POU2F2: variants seen among roughly 807,000 people sequenced by gnomAD.
POU2F2 encodes POU class 2 homeobox 2, also known as POU domain, class 2, transcription factor 2.
Under a neutral mutation model 63.5 loss-of-function variants are expected in POU2F2, and 14 were observed. That is an observed-to-expected ratio of 0.22 (90% CI 0.15 to 0.34). The LOEUF (loss-of-function observed/expected upper bound fraction) is 0.34, where lower values mean the gene tolerates loss of function less well. POU2F2 is among the 10% of genes least tolerant of loss of function. The pLI is 1.00. For synonymous variants in POU2F2, 306 were observed against 348.6 expected, an observed-to-expected ratio of 0.88 and a Z score of 1.36; for missense variants, 607 against 815.2, an observed-to-expected ratio of 0.74 and a Z score of 3.11.
intron 1 of POU2F2, among the ~76,000 whole-genome samples, chr19:42,190,044 T>C (rs910951227): frequency 1.3e-5 from 2 of 152,162 alleles, no homozygotes; most frequent in Non-Finnish European, 2.9e-5. Context: ...TTCTTTTAGT[T>C]AGTTTCTAAG....
chr19:42,109,942 G>T (rs2030800379), intron 5 of POU2F2, among the ~76,000 whole-genome samples: 2 of 152,034 alleles, frequency 1.3e-5, no homozygotes, highest in East Asian at 3.9e-4. Context: ...TATATACAAT[G>T]ATTATTTGCT....
chr19:42,142,938 CA>C (rs2034158751), intron 2 of POU2F2, among the ~76,000 whole-genome samples: 1 of 151,954 alleles, frequency 6.6e-6, no homozygotes, highest in Admixed American at 6.5e-5. Flanking sequence ...ATGATTATCC[CA>C]AAAGTGAGAA....
At chr19:42,140,853 T>G (rs2034113246) in intron 2 of POU2F2, among the ~76,000 whole-genome samples, 1 of 152,244 alleles carries the variant, frequency 6.6e-6, no homozygotes, top group African/African-American at 2.4e-5. Flanking sequence ...CAGGCACCCA[T>G]GGTCCACAGA....
chr19:42,120,820 T>G (rs2032523163), intron 4 of POU2F2, among the ~76,000 whole-genome samples: 1 of 152,224 alleles, frequency 6.6e-6, no homozygotes, highest in Admixed American at 6.5e-5. Flanking sequence ...ACTTCACATT[T>G]TCCATAATAA....
rs2034565433 is a variant in POU2F2 at position 42,162,196 on chromosome 19, C to T, written c.-69-1804G>A. On this transcript the variant is annotated intron_variant, in intron 1 of 6. Coordinates refer to the POU2F2 transcript ENST00000524801. The surrounding 1 kb of genome is among the most constrained non-coding windows in gnomAD (Gnocchi z 4.1). ...AGGGCCCACACTTGAGTCTCCCTGC[C>T]CTCTGCTACCTGGGGCTGTGGTGCC... Among the ~76,000 whole-genome samples the T allele has an allele frequency of 6.6e-6, 1 of 152,174 alleles. No homozygotes were observed. The highest frequency in any genetic ancestry group is 1.5e-5 in the Non-Finnish European group (1 of 68,030).
At chr19:42,104,466 G>A (rs1000728485) in intron 5 of POU2F2, among the ~76,000 whole-genome samples, 5 of 152,046 alleles carry the variant, frequency 3.3e-5, no homozygotes, top group African/African-American at 1.2e-4. Flanking sequence ...AGCTGAGCAT[G>A]CAGCAAGACA....
intron 2 of POU2F2, among the ~76,000 whole-genome samples, chr19:42,154,024 C>T (rs1028355613): frequency 6.6e-6 from 1 of 151,916 alleles, no homozygotes; most frequent in Non-Finnish European, 1.5e-5. Context: ...CCTCAACACC[C>T]CTGCTTTGGT....
At chr19:42,103,278 C>A (rs1315007095) in intron 5 of POU2F2, among the ~76,000 whole-genome samples, 2 of 152,194 alleles carry the variant, frequency 1.3e-5, no homozygotes, top group East Asian at 3.8e-4. Flanking sequence ...TTTACTCATT[C>A]ATGACATGCC....
intron 4 of POU2F2, among the ~76,000 whole-genome samples, chr19:42,118,397 C>A (rs1476068943): frequency 6.6e-6 from 1 of 152,148 alleles, no homozygotes; most frequent in African/African-American, 2.4e-5. Flanking sequence ...GAGAGAGCGC[C>A]TGCCTAAGTG....
At chr19:42,120,230 T>C (rs1254552557) in intron 4 of POU2F2, among the ~76,000 whole-genome samples, 1 of 151,704 alleles carries the variant, frequency 6.6e-6, no homozygotes, top group Non-Finnish European at 1.5e-5. Flanking sequence ...TTTTTTTTTT[T>C]TTTTGAGCTG....
At chr19:42,179,443 T>C (rs1040280404), upstream of POU2F2, among the ~76,000 whole-genome samples, 15 of 145,890 alleles carry the variant, frequency 1.0e-4, no homozygotes, top group Admixed American at 6.1e-4. Flanking sequence ...CAGGCGGGGG[T>C]GCAGTGGTGC....
intron 2 of POU2F2, among the ~76,000 whole-genome samples, chr19:42,149,064 C>T (rs984752593): frequency 4.6e-5 from 7 of 152,096 alleles, no homozygotes; most frequent in African/African-American, 1.4e-4. Context: ...GCCTGAAGAT[C>T]CTGCCCTCAA....
chr19:42,088,719 C>G lies in POU2F2; in HGVS notation c.*2538G>C, dbSNP rs2076624826. The stretch of plus-strand genomic sequence containing the variant: ...CCCTCTTGCCAGTCCCTTCTCTCTT[C>G]AGGAAATAAACATGGACAAACTCAG... On this transcript the variant is annotated 3_prime_UTR_variant, in exon 15 of 15. Transcript: ENST00000692977. 6.6e-6 allele frequency: 1 copy of G among 152,532 alleles called. No homozygotes were observed. The highest frequency in any genetic ancestry group is 6.5e-5 in the Admixed American group (1 of 15,280). 9.4% of individuals were successfully genotyped at this position (152,532 alleles called of 1,614,324 possible). A position where few individuals can be genotyped will look rare whatever the true frequency, so the allele number is the denominator to read the frequency against.
intron 4 of POU2F2, 66 bp downstream of exon 4, chr19:42,122,060 G>T: frequency 6.7e-7 from 1 of 1,488,504 alleles, no homozygotes; most frequent in Non-Finnish European, 9.4e-7. Flanking sequence ...TTGGACTGAG[G>T]CAGGCCTCCT....
chr19:42,191,424 T>G (rs1350723939), intron 1 of POU2F2, among the ~76,000 whole-genome samples: 1 of 152,206 alleles, frequency 6.6e-6, no homozygotes, highest in Non-Finnish European at 1.5e-5. Context: ...AATCCTTTCC[T>G]CACTCCTTCA....
chr19:42,090,957 T>G lies in POU2F2; in HGVS notation c.*300A>C. On this transcript the variant is annotated 3_prime_UTR_variant, in exon 15 of 15. Transcript: ENST00000692977. The surrounding 1 kb of genome is among the most constrained non-coding windows in gnomAD (Gnocchi z 4.4). ...GGCTCGCGACTGGTTTTTTGGTTTGTTTGATTTTGTGGGTTTTTTTTTTTT... is the reference window on the plus strand; with the variant it reads ...GGCTCGCGACTGGTTTTTTGGTTTGGTTGATTTTGTGGGTTTTTTTTTTTT... 2.3e-5 allele frequency: 6 copies of G among 266,380 alleles called. No individual in the cohort carries two copies. Among genetic ancestry groups the G allele is most frequent in the East Asian group, 7.1e-5 (1 of 14,004 alleles). 16.5% of individuals were successfully genotyped at this position (266,380 alleles called of 1,614,324 possible). A position where few individuals can be genotyped will look rare whatever the true frequency, so the allele number is the denominator to read the frequency against.
intron 1 of POU2F2, among the ~76,000 whole-genome samples, chr19:42,190,273 ATCTT>A (rs2035061497): frequency 6.7e-6 from 1 of 149,124 alleles, no homozygotes; most frequent in Non-Finnish European, 1.5e-5. Context: ...GTTTAAAAAA[ATCTT>A]TATATATATA....
chr19:42,122,441 G>A (rs1287408786), intron 2 of POU2F2, 63 bp from the exon 3 acceptor site: 6 of 1,608,650 alleles, frequency 3.7e-6, no homozygotes, highest in Non-Finnish European at 5.1e-6. Flanking sequence ...TCCCCTCCCA[G>A]CTCTCTTCCC....
At chr19:42,136,722 G>C (rs1052835061), upstream of POU2F2, 10 of 152,288 alleles carry the variant, frequency 6.6e-5, no homozygotes, top group African/African-American at 2.4e-4. Flanking sequence ...GGCGTGAAAT[G>C]CTCCCCATCC....
Sources: gnomAD v4.1 joint callset for allele counts (sites outside exome capture counted in the v4.1 genomes callset) on GRCh38, gnomAD v4.1.1 for gene constraint, Gnocchi (gnomAD v3.1) non-coding constraint, MANE v1.5 for transcripts, NCBI Gene and HGNC (gene_info 2026-07-23, HGNC 2026-07-21) for gene names.